The following CTNNA3 variants were observed in gnomAD, a reference collection of about 807,000 sequenced individuals.
CTNNA3 encodes the protein catenin alpha-3.
In CTNNA3, 76 loss-of-function variants were observed where a neutral mutation model predicts 95.7. The observed-to-expected ratio is 0.79, with a 90% CI of 0.66 to 0.96. The LOEUF (loss-of-function observed/expected upper bound fraction) is 0.96, where lower values mean the gene tolerates loss of function less well. Among genes scored for constraint, CTNNA3 ranks in the 40% least tolerant of loss-of-function variants. The pLI is 0.00. For missense variants in CTNNA3, 1,191 were observed against 1,089.8 expected (o/e 1.09, Z -1.31); for synonymous variants, 431 against 374.4 (o/e 1.15, Z -1.74).
intron 5 of CTNNA3, among the ~76,000 whole-genome samples, chr10:67,422,417 G>A: frequency 6.6e-6 from 1 of 152,142 alleles, no homozygotes; most frequent in East Asian, 1.9e-4. Context: ...AACAATTAAT[G>A]AATCTGAGTA....
intron 13 of CTNNA3, among the ~76,000 whole-genome samples, chr10:66,177,850 A>G (rs1454594948): frequency 6.6e-6 from 1 of 152,000 alleles, no homozygotes; most frequent in Non-Finnish European, 1.5e-5. Context: ...CTATTTGTTA[A>G]ATAAGAAACA....
At chr10:67,561,254 C>A (rs1359868655) in intron 3 of CTNNA3, among the ~76,000 whole-genome samples, 1 of 134,954 alleles carries the variant, frequency 7.4e-6, no homozygotes, top group Non-Finnish European at 1.5e-5. Flanking sequence ...CACTCCTCAG[C>A]AGATGTAAAA....
chr10:66,946,825 T>C (rs1273954167), intron 7 of CTNNA3, among the ~76,000 whole-genome samples: 2 of 152,118 alleles, frequency 1.3e-5, no homozygotes, highest in South Asian at 4.1e-4. Flanking sequence ...GATCTACGTA[T>C]GTACTTGGAA....
At chr10:66,455,571 G>A (rs1911319) in intron 11 of CTNNA3, among the ~76,000 whole-genome samples, 17,349 of 152,112 alleles carry the variant, frequency 0.11, 1,397 homozygotes, top group African/African-American at 0.23. Context: ...CAAATGCCCA[G>A]CAACACCCAG....
At chr10:66,464,779 C>G (rs865977175) in intron 11 of CTNNA3, among the ~76,000 whole-genome samples, 7 of 146,498 alleles carry the variant, frequency 4.8e-5, no homozygotes, top group African/African-American at 1.8e-4. Context: ...AAAAAAAAAA[C>G]AAAAACACCT....
chr10:67,573,176 C>T (rs1911356), intron 3 of CTNNA3, among the ~76,000 whole-genome samples: 14,414 of 152,224 alleles, frequency 0.095, 902 homozygotes, highest in Middle Eastern at 0.17. Context: ...GACATCATTA[C>T]GAATTGGTGT....
intron 6 of CTNNA3, among the ~76,000 whole-genome samples, chr10:67,209,549 C>T (rs1864053873): frequency 6.6e-6 from 1 of 151,954 alleles, no homozygotes; most frequent in South Asian, 2.1e-4. Flanking sequence ...ACAATTTTTT[C>T]AAATATGTAT....
Position 66,927,995 on chromosome 10 carries a change from T to A in CTNNA3, c.1048-152471A>T. 6.2e-7 allele frequency: 1 copy of A among 1,614,186 alleles called. No individual in the cohort carries two copies. Among genetic ancestry groups the A allele is most frequent in the Non-Finnish European group, 8.5e-7 (1 of 1,180,044 alleles). On this transcript the variant is annotated intron_variant, in intron 7 of 17. Transcript: ENST00000433211. The surrounding 1 kb of genome is among the most constrained non-coding windows in gnomAD (Gnocchi z 4.7). Reference sequence around the variant, plus strand: ...ATCGATGCAGTGAAGAACTACAGCATCTGTGGCAAAAGTACTACAGAGAGG... The same window carrying A: ...ATCGATGCAGTGAAGAACTACAGCAACTGTGGCAAAAGTACTACAGAGAGG...
At position 66,065,230 on chromosome 10, in the gene CTNNA3, G is replaced by T. The variant is rs76869087; in HGVS notation, c.2159+4078C>A. Among the ~76,000 whole-genome samples, 316 of 102,856 alleles carry T rather than the reference G, an allele frequency of 3.1e-3. 1 individual carries two copies. The East Asian group carries it at 0.037, about 12-fold the overall frequency. The allele number at this position is 102,856 out of a possible 152,430, so 67.5% of individuals were successfully genotyped here. A position where few individuals can be genotyped will look rare whatever the true frequency, so the allele number is the denominator to read the frequency against. On this transcript the variant is annotated intron_variant, in intron 15 of 17. Transcript: ENST00000433211. ...ATGTAAACTTATGTTGGTTTAAATG[G>T]TTTTTTTTTGTTTTGTTTTGTTTTG... is the stretch of plus-strand genomic sequence containing the variant.
intron 5 of CTNNA3, among the ~76,000 whole-genome samples, chr10:67,408,565 C>T (rs10997633): frequency 0.067 from 10,185 of 152,068 alleles, 472 homozygotes; most frequent in African/African-American, 0.13. Context: ...CCCTTCCTTA[C>T]ACTATATATA....
chr10:66,256,970 G>A (rs1043224295), intron 13 of CTNNA3, among the ~76,000 whole-genome samples: 77 of 152,050 alleles, frequency 5.1e-4, no homozygotes, highest in Non-Finnish European at 1.8e-4. Context: ...TCGGAAGAGC[G>A]AGTGACCCTC....
intron 7 of CTNNA3, chr10:67,097,956 C>T (rs1431460042): frequency 3.1e-6 from 2 of 650,972 alleles, no homozygotes; most frequent in Non-Finnish European, 5.2e-6. Context: ...ATAAAGAAGA[C>T]ATGAATTGTT....
chr10:66,007,510 T>C (rs2078910644), intron 15 of CTNNA3, among the ~76,000 whole-genome samples: 1 of 152,222 alleles, frequency 6.6e-6, no homozygotes, highest in Non-Finnish European at 1.5e-5. Flanking sequence ...CGGTAGTTAT[T>C]CGGCATCATG....
chr10:65,993,493 T>C (rs927949983), intron 15 of CTNNA3, among the ~76,000 whole-genome samples: 2 of 152,232 alleles, frequency 1.3e-5, no homozygotes, highest in African/African-American at 2.4e-5. Flanking sequence ...ATCTTTAATA[T>C]AATGACCTTC....
At chr10:66,631,879 G>C (rs2394220) in intron 9 of CTNNA3, among the ~76,000 whole-genome samples, 8 of 151,756 alleles carry the variant, frequency 5.3e-5, no homozygotes, top group Non-Finnish European at 1.0e-4. Flanking sequence ...TTGAGTATTC[G>C]GTAACACTTC....
At chr10:67,559,642 A>G (rs1841410625) in intron 3 of CTNNA3, among the ~76,000 whole-genome samples, 1 of 152,232 alleles carries the variant, frequency 6.6e-6, no homozygotes, top group Non-Finnish European at 1.5e-5. Context: ...TGGACGGAGA[A>G]TGACTTTGAC....
chr10:66,409,205 A>T (rs1374073336), intron 11 of CTNNA3, among the ~76,000 whole-genome samples: 1 of 152,142 alleles, frequency 6.6e-6, no homozygotes, highest in Non-Finnish European at 1.5e-5. Context: ...ATGGTTAATG[A>T]GGGTGGGTTC....
rs148159300 is a variant in CTNNA3 at position 66,073,868 on chromosome 10, A to G, written c.1978-4379T>C. Among the ~76,000 whole-genome samples the G allele has an allele frequency of 3.1e-3, 469 of 152,226 alleles. 1 individual carries two copies. The highest frequency in any genetic ancestry group is 0.01 in the African/African-American group (431 of 41,564). On this transcript the variant is annotated intron_variant, in intron 14 of 17. Transcript: ENST00000433211. The stretch of plus-strand genomic sequence containing the variant: ...CATTATATTTGTTTGATTAAAATAG[A>G]AAATTCATATAAAATGCCTAAATCA...
chr10:66,505,141 A>G (rs1028213466), intron 11 of CTNNA3, among the ~76,000 whole-genome samples: 1 of 152,178 alleles, frequency 6.6e-6, no homozygotes, highest in Non-Finnish European at 1.5e-5. Flanking sequence ...TACTCAAAGA[A>G]CAGTCCTGCA....
Sources: gnomAD v4.1 joint callset for allele counts (sites outside exome capture counted in the v4.1 genomes callset) on GRCh38, gnomAD v4.1.1 for gene constraint, Gnocchi (gnomAD v3.1) non-coding constraint, MANE v1.5 for transcripts, NCBI Gene and HGNC (gene_info 2026-07-23, HGNC 2026-07-21) for gene names.